Variants in UBE2D2 observed in about 807,000 individuals in gnomAD.
The protein encoded by UBE2D2 is ubiquitin conjugating enzyme E2 D2, also known as ubiquitin-conjugating enzyme E2 D2.
A neutral mutation model predicts 24.2 loss-of-function variants in UBE2D2; 2 were observed. The ratio of observed to expected loss-of-function variants is 0.08; its 90% CI spans 0.03 to 0.26. The LOEUF (loss-of-function observed/expected upper bound fraction) is 0.26, where lower values mean the gene tolerates loss of function less well. Among genes scored for constraint, UBE2D2 ranks in the 10% least tolerant of loss-of-function variants. The pLI, the probability that UBE2D2 is intolerant of heterozygous loss-of-function variation, is 1.00. For missense variants in UBE2D2, 44 were observed against 177.6 expected (o/e 0.25, Z 4.28); for synonymous variants, 58 against 56.5 (o/e 1.03, Z -0.12).
At chr5:139,622,093 C>G (rs970385688) in intron 5 of UBE2D2, among the ~76,000 whole-genome samples, 1 of 152,134 alleles carries the variant, frequency 6.6e-6, no homozygotes, top group Admixed American at 6.6e-5. Context: ...CTTAGGAGTT[C>G]AGGCATAAAG....
intron 2 of UBE2D2, among the ~76,000 whole-genome samples, 199 bp from the exon 3 acceptor site, chr5:139,614,387 G>A (rs1754382957): frequency 6.6e-6 from 1 of 151,928 alleles, no homozygotes; most frequent in Non-Finnish European, 1.5e-5. Flanking sequence ...TTTTCATTGA[G>A]CACCTTATCA....
chr5:139,615,256 G>T (rs891583261), intron 5 of UBE2D2, among the ~76,000 whole-genome samples: 1 of 152,088 alleles, frequency 6.6e-6, no homozygotes, highest in African/African-American at 2.4e-5. Context: ...AGGCCGAGGC[G>T]GGCAGATCAC....
At chr5:139,568,551 G>A (rs1383682261) in intron 1 of UBE2D2, among the ~76,000 whole-genome samples, 1 of 151,926 alleles carries the variant, frequency 6.6e-6, no homozygotes, top group Non-Finnish European at 1.5e-5. Flanking sequence ...CCAGCTATTC[G>A]GGAGACTGAG....
chr5:139,586,573 G>T (rs955255151), intron 1 of UBE2D2, among the ~76,000 whole-genome samples: 4 of 152,152 alleles, frequency 2.6e-5, no homozygotes, highest in Admixed American at 1.3e-4. Flanking sequence ...AGACCATCCT[G>T]GCTAACATAG....
chr5:139,536,469 T>G (rs890374425), intron 1 of UBE2D2, among the ~76,000 whole-genome samples: 22 of 152,076 alleles, frequency 1.4e-4, no homozygotes, highest in African/African-American at 5.3e-4. Context: ...GTTCAAGCAA[T>G]TCTCCTGCCT....
At chr5:139,598,917 TCC>T (rs1279527090) in intron 1 of UBE2D2, among the ~76,000 whole-genome samples, 1 of 138,616 alleles carries the variant, frequency 7.2e-6, no homozygotes, top group Non-Finnish European at 1.5e-5. Flanking sequence ...TAAAATATAT[TCC>T]TTTTTTTTTT....
At chr5:139,603,624 A>G (rs1460184718) in intron 2 of UBE2D2, among the ~76,000 whole-genome samples, 11 of 74,554 alleles carry the variant, frequency 1.5e-4, no homozygotes, top group Non-Finnish European at 2.4e-4. Context: ...TCTGTCTCCG[A>G]AAAAAAAAAA....
At chr5:139,592,783 T>A (rs1349522920) in intron 1 of UBE2D2, among the ~76,000 whole-genome samples, 1 of 150,496 alleles carries the variant, frequency 6.6e-6, no homozygotes, top group African/African-American at 2.4e-5. Context: ...TTTGTATTTT[T>A]AGTAGAGATG....
At chr5:139,621,186 T>C (rs1327638268) in intron 5 of UBE2D2, among the ~76,000 whole-genome samples, 1 of 152,204 alleles carries the variant, frequency 6.6e-6, no homozygotes, top group Non-Finnish European at 1.5e-5. Flanking sequence ...TAGGCTGCAA[T>C]GAGCCAAGAT....
At chr5:139,558,017 T>A (rs906151105), upstream of UBE2D2, among the ~76,000 whole-genome samples, 2 of 151,834 alleles carry the variant, frequency 1.3e-5, no homozygotes, top group African/African-American at 4.8e-5. Context: ...GGAAGATCAC[T>A]TGAGCCAGGA....
intron 2 of UBE2D2, among the ~76,000 whole-genome samples, chr5:139,603,218 T>A (rs1754118868): frequency 2.6e-5 from 4 of 152,274 alleles, no homozygotes; most frequent in Admixed American, 2.0e-4. Flanking sequence ...GTGGTTGGAG[T>A]CAGGGGATTT....
intron 5 of UBE2D2, among the ~76,000 whole-genome samples, chr5:139,619,494 A>G (rs1047033028): frequency 1.3e-5 from 2 of 152,192 alleles, no homozygotes; most frequent in East Asian, 1.9e-4. Flanking sequence ...CTATCTTTAC[A>G]GAAGAAGGTA....
chr5:139,608,583 C>T (rs752212040), intron 2 of UBE2D2, among the ~76,000 whole-genome samples: 16 of 151,724 alleles, frequency 1.1e-4, no homozygotes, highest in Non-Finnish European at 2.1e-4. Context: ...GGGAAGACCC[C>T]GTCTCTATTT....
At chr5:139,532,835 G>A (rs777792637) in intron 1 of UBE2D2, among the ~76,000 whole-genome samples, 3 of 152,002 alleles carry the variant, frequency 2.0e-5, no homozygotes, top group African/African-American at 7.2e-5. Context: ...AGCCAGGCAC[G>A]GTGGCTCACT....
intron 1 of UBE2D2, among the ~76,000 whole-genome samples, chr5:139,536,780 G>A (rs921771464): frequency 3.3e-5 from 5 of 151,908 alleles, no homozygotes; most frequent in African/African-American, 9.7e-5. Context: ...GTGAGCCACC[G>A]CACCCGGCCC....
At chr5:139,596,984 T>G (rs1397003574) in intron 1 of UBE2D2, among the ~76,000 whole-genome samples, 3 of 151,826 alleles carry the variant, frequency 2.0e-5, no homozygotes. Flanking sequence ...GAGGCGGAGC[T>G]TGCAGTGAGC....
chr5:139,584,019 T>C (rs2126668272), intron 1 of UBE2D2, among the ~76,000 whole-genome samples: 2 of 152,044 alleles, frequency 1.3e-5, no homozygotes, highest in East Asian at 3.9e-4. Flanking sequence ...GAGTGTACAG[T>C]GTTTATAAAG....
chr5:139,623,901 G>A (rs879830958), intron 6 of UBE2D2, among the ~76,000 whole-genome samples: 4 of 152,100 alleles, frequency 2.6e-5, no homozygotes, highest in African/African-American at 4.8e-5. Flanking sequence ...ATGTTGGCCA[G>A]GCTGGTTTCG....
In UBE2D2 at chr5:139,578,852, A is replaced by G. The variant is rs58693075; in HGVS notation, c.24+17037A>G. Among the ~76,000 whole-genome samples, 243 of 152,316 alleles carry G rather than the reference A, an allele frequency of 1.6e-3. 2 individuals are homozygous for G. Among genetic ancestry groups the G allele is most frequent in the East Asian group, 4.8e-3 (25 of 5,182 alleles). On this transcript the variant is annotated intron_variant, in intron 1 of 6. Coordinates refer to ENST00000398733, the MANE Select transcript of UBE2D2 (RefSeq NM_003339.3). ...ATTTCGTTGACTCTGAAACACATCA[A>G]TTGAAAGATGTACCATTATTCTACT...
Sources: allele counts gnomAD v4.1 joint callset (sites outside exome capture counted in the v4.1 genomes callset), GRCh38; gene constraint gnomAD v4.1.1; transcripts MANE v1.5; gene names NCBI Gene and HGNC (gene_info 2026-07-23, HGNC 2026-07-21).